Variants in PBX1 observed in about 807,000 individuals in gnomAD.
PBX1 encodes PBX homeobox 1, also known as pre-B-cell leukemia transcription factor 1.
In PBX1, 6 loss-of-function variants were observed where a neutral mutation model predicts 53.4. That is an observed-to-expected ratio of 0.11 (90% CI 0.06 to 0.22). PBX1 has a LOEUF of 0.22. Ranked by LOEUF, PBX1 falls within the 10% of genes least tolerant of loss-of-function variation. The probability of loss-of-function intolerance (pLI) is 1.00; values close to 1 mark genes in which losing one functional copy is unlikely to be tolerated. For synonymous variants in PBX1, 204 were observed against 212.3 expected, an observed-to-expected ratio of 0.96 and a Z score of 0.34; for missense variants, 251 against 551.4, an observed-to-expected ratio of 0.46 and a Z score of 5.46.
chr1:164,880,206 G>A (rs1268869272), intron 2 of PBX1, among the ~76,000 whole-genome samples: 1 of 152,170 alleles, frequency 6.6e-6, no homozygotes, highest in Non-Finnish European at 1.5e-5. Flanking sequence ...ACAAGCACAT[G>A]TTGGGCACCT....
chr1:164,600,969 G>C (rs1656127473), intron 2 of PBX1, among the ~76,000 whole-genome samples: 1 of 152,100 alleles, frequency 6.6e-6, no homozygotes, highest in South Asian at 2.1e-4. Flanking sequence ...GGGCGCAGTG[G>C]CTCATGCCTG....
intron 2 of PBX1, among the ~76,000 whole-genome samples, chr1:164,779,858 GT>G: frequency 6.6e-6 from 1 of 152,314 alleles, no homozygotes; most frequent in South Asian, 2.1e-4. Flanking sequence ...TATCACATGG[GT>G]TGGAGAGATG....
intron 6 of PBX1, 110 bp downstream of exon 6, chr1:164,812,259 ATT>A (rs1361148785): frequency 4.9e-6 from 5 of 1,013,230 alleles, no homozygotes; most frequent in Non-Finnish European, 7.0e-6. Flanking sequence ...TGATTGGTTA[ATT>A]TCTGTATTTG....
At chr1:164,658,282 A>G (rs1319462303) in intron 2 of PBX1, among the ~76,000 whole-genome samples, 1 of 152,196 alleles carries the variant, frequency 6.6e-6, no homozygotes, top group Non-Finnish European at 1.5e-5. Context: ...CTATACCCCA[A>G]CACCAGTAAA....
intron 2 of PBX1, among the ~76,000 whole-genome samples, chr1:164,716,378 T>G (rs1261765741): frequency 6.6e-6 from 1 of 152,084 alleles, no homozygotes; most frequent in Non-Finnish European, 1.5e-5. Context: ...AATTAGGCAA[T>G]TTAGCCCAAG....
At chr1:164,604,771 T>C (rs773790798) in intron 2 of PBX1, among the ~76,000 whole-genome samples, 15 of 152,130 alleles carry the variant, frequency 9.9e-5, no homozygotes, top group Non-Finnish European at 2.2e-4. Flanking sequence ...TAGAACTGAG[T>C]CATTCTTTTG....
At chr1:164,723,131 G>A (rs1325718792) in intron 2 of PBX1, among the ~76,000 whole-genome samples, 1 of 152,176 alleles carries the variant, frequency 6.6e-6, no homozygotes, top group Non-Finnish European at 1.5e-5. Flanking sequence ...TCATGTACCA[G>A]ATTGTACATG....
chr1:164,653,684 C>T (rs115742185), intron 2 of PBX1, among the ~76,000 whole-genome samples: 2,073 of 152,210 alleles, frequency 0.014, 37 homozygotes, highest in South Asian at 0.046. Flanking sequence ...GCAGGAGCAT[C>T]GCTTGAACCG....
intron 2 of PBX1, among the ~76,000 whole-genome samples, chr1:164,784,779 T>C (rs1212020851): frequency 6.6e-6 from 1 of 152,196 alleles, no homozygotes; most frequent in East Asian, 1.9e-4. Flanking sequence ...GGCTGAAACA[T>C]TTGAGGGCCG....
intron 2 of PBX1, among the ~76,000 whole-genome samples, chr1:164,782,490 G>A (rs1046131115): frequency 3.3e-5 from 5 of 152,196 alleles, no homozygotes; most frequent in African/African-American, 1.2e-4. Flanking sequence ...CATGGATCGC[G>A]TTAAGACTAA....
At chr1:164,881,288 G>A (rs1240657696) in intron 2 of PBX1, among the ~76,000 whole-genome samples, 1 of 139,644 alleles carries the variant, frequency 7.2e-6, no homozygotes, top group East Asian at 2.3e-4. Flanking sequence ...GACACAGAGA[G>A]AAAGGAAGGA....
chr1:164,628,640 A>G (rs113772520), intron 2 of PBX1, among the ~76,000 whole-genome samples: 2,130 of 152,294 alleles, frequency 0.014, 66 homozygotes, highest in African/African-American at 0.049. Context: ...CTATTAGAAG[A>G]TAGCATTTCC....
intron 2 of PBX1, among the ~76,000 whole-genome samples, chr1:164,635,545 T>A (rs1455242055): frequency 6.6e-6 from 1 of 152,234 alleles, no homozygotes; most frequent in Admixed American, 6.5e-5. Context: ...TTTATTCGTC[T>A]CTTGCCCTTG....
chr1:164,744,130 G>A (rs570467143), intron 2 of PBX1, among the ~76,000 whole-genome samples: 29 of 152,212 alleles, frequency 1.9e-4, no homozygotes, highest in Non-Finnish European at 3.8e-4. Flanking sequence ...GAGGGTGATG[G>A]CATAATTTCA....
At chr1:164,598,884 C>T (rs1388356260) in intron 2 of PBX1, among the ~76,000 whole-genome samples, 1 of 152,100 alleles carries the variant, frequency 6.6e-6, no homozygotes, top group Non-Finnish European at 1.5e-5. Context: ...GGATCATTAT[C>T]CCACTTTTAC....
intron 2 of PBX1, among the ~76,000 whole-genome samples, chr1:164,882,274 A>G (rs892376636): frequency 1.3e-5 from 2 of 152,222 alleles, no homozygotes; most frequent in Non-Finnish European, 2.9e-5. Context: ...CTTCTGAGAA[A>G]GTGAAGGCAA....
chr1:164,839,348 G>A (rs1671186295), intron 8 of PBX1, among the ~76,000 whole-genome samples: 2 of 152,124 alleles, frequency 1.3e-5, no homozygotes, highest in African/African-American at 2.4e-5. Flanking sequence ...TAGCACAAGT[G>A]GGCACTGAAT....
chr1:164,810,611 T>C (rs574965599), intron 5 of PBX1, among the ~76,000 whole-genome samples: 41 of 152,224 alleles, frequency 2.7e-4, no homozygotes, highest in Admixed American at 1.4e-3. Context: ...TTTTTCTTCT[T>C]TTCCTATCCC....
At chr1:164,786,720 T>TGCGCGCGCGCGCGC (rs1553246258) in intron 2 of PBX1, among the ~76,000 whole-genome samples, 2 of 116,256 alleles carry the variant, frequency 1.7e-5, no homozygotes, top group African/African-American at 6.9e-5. Context: ...TGTGTGTGTG[T>TGCGCGCGCGCGCGC]GCGCGCGCAC....
Sources: gnomAD v4.1 joint callset for allele counts (sites outside exome capture counted in the v4.1 genomes callset) on GRCh38, gnomAD v4.1.1 for gene constraint, MANE v1.5 for transcripts, NCBI Gene and HGNC (gene_info 2026-07-23, HGNC 2026-07-21) for gene names.